PARP10: variants seen among roughly 807,000 people sequenced by gnomAD.
PARP10 encodes protein mono-ADP-ribosyltransferase PARP10.
In PARP10, 56 loss-of-function variants were observed where a neutral mutation model predicts 82.4. The observed-to-expected ratio is 0.68, with a 90% CI of 0.55 to 0.85. The LOEUF (loss-of-function observed/expected upper bound fraction) is 0.85. Among genes scored for constraint, PARP10 ranks in the 40% least tolerant of loss-of-function variants. The probability of loss-of-function intolerance (pLI) is 0.00; values close to 1 mark genes in which losing one functional copy is unlikely to be tolerated. For missense variants in PARP10, 1,227 were observed against 1,379.4 expected (o/e 0.89, Z 1.75); for synonymous variants, 576 against 601.1 (o/e 0.96, Z 0.61).
In PARP10 at chr8:143,984,409, C is replaced by T; in HGVS notation, c.1481G>A (p.Cys494Tyr). 1 of 1,610,516 alleles carries T rather than the reference C, an allele frequency of 6.2e-7. No individual in the cohort carries two copies. Among genetic ancestry groups the T allele is most frequent in the Non-Finnish European group, 8.5e-7 (1 of 1,179,108 alleles). ...GFRLCGAQAS[C>Y]QAAEEFLRSL... ...CCGCAGAAACTCCTCAGCCGCCTGG[C>T]AGGAAGCCTGGGCTCCACAGAGCTG... Residue 494 changes from cysteine to tyrosine, a missense_variant, in exon 6 of 11, where the codon TGC becomes TAC. Coordinates refer to ENST00000313028, the MANE Select transcript of PARP10 (RefSeq NM_032789.5).
chr8:143,998,215 A>T (rs896877863), intron 1 of PARP10, among the ~76,000 whole-genome samples: 26 of 152,184 alleles, frequency 1.7e-4, no homozygotes, highest in Non-Finnish European at 3.1e-4. Context: ...CAGCAGTTGC[A>T]CTCAGGAGAC....
At chr8:144,012,506 GCC>G in intron 1 of PARP10, 4 of 1,551,662 alleles carry the variant, frequency 2.6e-6, no homozygotes, top group Non-Finnish European at 3.5e-6. Flanking sequence ...CCTTGCCACT[GCC>G]CCAGGGCATG....
chr8:143,988,477 A>T (rs1037568798), upstream of PARP10, among the ~76,000 whole-genome samples: 13 of 143,464 alleles, frequency 9.1e-5, no homozygotes, highest in Non-Finnish European at 2.0e-4. Flanking sequence ...TTATTTATTT[A>T]TTTTTTGAGA....
At position 143,984,104 on chromosome 8, in the gene PARP10, C is replaced by A; in HGVS notation, c.1681G>T (p.Val561Leu). 6.4e-7 allele frequency: 1 copy of A among 1,559,442 alleles called. No homozygotes were observed. The highest frequency in any genetic ancestry group is 1.2e-5 in the South Asian group (1 of 81,936). ...ACTGGGAGGGCCTCGGTAGGGTCCA[C>A]CTGTAGGGAGAGGATGTCAGGACCA... ...TATLDTGLEEVDPTEALPVLP... is the reference protein window; with the variant it reads ...TATLDTGLEELDPTEALPVLP... Residue 561 changes from valine (V) to leucine (L), a missense_variant and splice_region_variant, in exon 7 of 11, where the codon GTG becomes TTG. Physicochemically the swap from Val to Leu is conservative, Grantham distance 32. Coordinates refer to ENST00000313028, the MANE Select transcript of PARP10 (RefSeq NM_032789.5).
chr8:143,980,319 C>CAAAAAAAAA (rs564801582), intron 9 of PARP10, among the ~76,000 whole-genome samples: 1 of 16,094 alleles, frequency 6.2e-5, no homozygotes, highest in African/African-American at 1.1e-4. Flanking sequence ...GATTCCGTCT[C>CAAAAAAAAA]AAAAAAAAAA....
chr8:144,009,790 C>T (rs1030460341), intron 1 of PARP10, among the ~76,000 whole-genome samples: 3 of 152,206 alleles, frequency 2.0e-5, no homozygotes, highest in Non-Finnish European at 4.4e-5. Context: ...ATCCTGCCCT[C>T]GTTCTCGCCT....
At chr8:143,996,816 C>T (rs1315765594) in intron 1 of PARP10, among the ~76,000 whole-genome samples, 1 of 152,210 alleles carries the variant, frequency 6.6e-6, no homozygotes, top group Non-Finnish European at 1.5e-5. Context: ...GCATGGGAGA[C>T]TCGCAGCGGG....
chr8:143,985,296 A>C lies in PARP10; in HGVS notation c.706T>G (p.Leu236Val), dbSNP rs1320994464. ...AERVLQQEHR[L>V]QGSELSLVPH... ...ACAAGGCTCAGCTCTGAGCCCTGCA[A>C]CCGGTGCTCCTGCTGCAACACTCGT... The change falls in exon 5 of 11, where the codon TTG becomes GTG. Residue 236 changes from leucine (L) to valine (V), a missense_variant. By Grantham distance (32) the Leu-to-Val change is conservative (BLOSUM62 1). Coordinates refer to ENST00000313028, the MANE Select transcript of PARP10 (RefSeq NM_032789.5). The C allele has an allele frequency of 6.2e-7, 1 of 1,611,436 alleles. No individual in the cohort carries two copies. Among genetic ancestry groups the C allele is most frequent in the African/African-American group, 1.3e-5 (1 of 74,852 alleles).
upstream of PARP10, chr8:143,993,538 C>T (rs1461950254): frequency 1.3e-5 from 2 of 153,392 alleles, no homozygotes; most frequent in African/African-American, 2.4e-5. Context: ...AGTGCCAAGC[C>T]TCTGCCCACA....
chr8:143,998,623 A>G (rs1834178643), intron 1 of PARP10, among the ~76,000 whole-genome samples: 1 of 152,224 alleles, frequency 6.6e-6, no homozygotes, highest in Non-Finnish European at 1.5e-5. Context: ...GGAAATGGAG[A>G]AGACTGGAAG....
chr8:143,980,844 T>C (rs1554747552), intron 9 of PARP10, among the ~76,000 whole-genome samples: 1 of 152,218 alleles, frequency 6.6e-6, no homozygotes, highest in Non-Finnish European at 1.5e-5. Context: ...TAAATGTTTT[T>C]TCATTATTAT....
chr8:144,004,462 G>A (rs1834221934), intron 1 of PARP10, among the ~76,000 whole-genome samples: 1 of 152,128 alleles, frequency 6.6e-6, no homozygotes, highest in Non-Finnish European at 1.5e-5. Flanking sequence ...AGGACAAACT[G>A]AGTGTAGGTG....
At chr8:143,988,552 G>A (rs958849253), upstream of PARP10, among the ~76,000 whole-genome samples, 6 of 151,300 alleles carry the variant, frequency 4.0e-5, no homozygotes, top group African/African-American at 1.5e-4. Context: ...TGTAACCTCT[G>A]CCTCCCAGGT....
In PARP10 at chr8:143,977,876, AGCCCCCGCCCCTGCCC is replaced by A; in HGVS notation, c.2731+15_2731+30del. 6.3e-7 allele frequency: 1 copy of A among 1,597,920 alleles called. No homozygotes were observed. The highest frequency in any genetic ancestry group is 8.5e-7 in the Non-Finnish European group (1 of 1,175,916). On this transcript the variant is annotated intron_variant, in intron 10 of 10. Transcript: ENST00000313028. ...AGGTCAGGGTGGTCGGGGTGCGCAG[AGCCCCCGCCCCTGCCC>A]GGCTCAGGCCTCACCGTTGCGGCCG...
intron 9 of PARP10, among the ~76,000 whole-genome samples, chr8:143,980,631 A>C (rs1554747520): frequency 2.0e-5 from 3 of 152,046 alleles, no homozygotes; most frequent in African/African-American, 4.8e-5. Flanking sequence ...GCACCCACTC[A>C]AGGAGATACT....
Position 143,985,743 on chromosome 8 carries a change from C to A in PARP10, c.414G>T (p.Leu138Phe). The change falls in exon 3 of 11, where the codon TTG becomes TTT. Residue 138 changes from leucine (L) to phenylalanine (F), a missense_variant. Coordinates refer to ENST00000313028, the MANE Select transcript of PARP10 (RefSeq NM_032789.5). ...CACCTGCCTCAGAAAGGGGCTTGGGCAACTGGACCAGAGCCCGGTCTGGCC... is the reference window on the plus strand; with the variant it reads ...CACCTGCCTCAGAAAGGGGCTTGGGAAACTGGACCAGAGCCCGGTCTGGCC... ...SPRPDRALVQ[L>F]PKPLSEADVR... 6.2e-7 allele frequency: 1 copy of A among 1,607,878 alleles called. No individual in the cohort carries two copies. The highest frequency in any genetic ancestry group is 8.5e-7 in the Non-Finnish European group (1 of 1,176,770).
Position 143,977,327 on chromosome 8 carries a change from G to C in PARP10, c.*157C>G, listed in dbSNP as rs1381860928. The stretch of plus-strand genomic sequence containing the variant: ...CCTAGCCCGGCCCCCCTCGGCCGCT[G>C]CTGACCGCCATCCCCCACACCGCCT... On this transcript the variant is annotated 3_prime_UTR_variant, in exon 11 of 11. Transcript: ENST00000313028. The C allele has an allele frequency of 8.7e-6, 7 of 802,500 alleles. No individual in the cohort carries two copies. The Admixed American group carries it at 8.9e-5, about 10-fold the overall frequency. The allele number at this position is 802,500 out of a possible 1,614,324, so 49.7% of individuals were successfully genotyped here.
At chr8:143,991,957 G>A (rs1554750583), upstream of PARP10, 1 of 1,613,830 alleles carries the variant, frequency 6.2e-7, no homozygotes, top group South Asian at 1.1e-5. Context: ...GAGGTGAAGG[G>A]CTTTGTCCGG....
In PARP10 at chr8:143,985,033, G is replaced by A; in HGVS notation, c.969C>T (p.Gly323=). Residue 323 remains glycine, a synonymous_variant, in exon 5 of 11, where the codon GGC becomes GGT. Transcript: ENST00000313028. ...MVQGRGIMTT[G]SGQEPGQSGT... ...CTGACTGCCCTGGTTCCTGGCCAGAGCCTGTTGTCATAATCCCTCTACCCT... is the reference window on the plus strand; with the variant it reads ...CTGACTGCCCTGGTTCCTGGCCAGAACCTGTTGTCATAATCCCTCTACCCT... 3.7e-6 allele frequency: 6 copies of A among 1,613,904 alleles called. No individual in the cohort carries two copies. The highest frequency in any genetic ancestry group is 5.1e-6 in the Non-Finnish European group (6 of 1,179,968).
Sources: allele counts gnomAD v4.1 joint callset (sites outside exome capture counted in the v4.1 genomes callset), GRCh38; gene constraint gnomAD v4.1.1; transcripts MANE v1.5; gene names NCBI Gene and HGNC (gene_info 2026-07-23, HGNC 2026-07-21).